DMD: variants seen among roughly 807,000 people sequenced by gnomAD.
The protein encoded by DMD is dystrophin, also known as mutant dystrophin.
In DMD, 63 loss-of-function variants were observed where a neutral mutation model predicts 330.1. That is an observed-to-expected ratio of 0.19 (90% confidence interval 0.16 to 0.24). The LOEUF (loss-of-function observed/expected upper bound fraction) is 0.24. DMD is among the 10% of genes least tolerant of loss of function. The probability of loss-of-function intolerance (pLI) is 1.00; values close to 1 mark genes in which losing one functional copy is unlikely to be tolerated. For missense variants in DMD, 3,344 were observed against 2,684.1 expected (o/e 1.25, Z -5.43); for synonymous variants, 1,223 against 959.8 (o/e 1.27, Z -5.07).
chrX:32,718,300 G>A (rs1421019712), intron 7 of DMD, among the ~76,000 whole-genome samples: 1 of 110,902 alleles, frequency 9.0e-6, no homozygotes, highest in Non-Finnish European at 1.9e-5. Context: ...TCCAATGATA[G>A]TGAGTTCTCA....
At chrX:32,933,570 G>A (rs2089764140) in intron 2 of DMD, among the ~76,000 whole-genome samples, 1 of 111,747 alleles carries the variant, frequency 8.9e-6, no homozygotes, top group African/African-American at 3.3e-5. Flanking sequence ...ATAACTGAAT[G>A]GTGCAGGCTT....
In DMD at chrX:32,754,717, G is replaced by A. The variant is rs140753493; in HGVS notation, c.649+54776C>T. On this transcript the variant is annotated intron_variant, in intron 7 of 78. Coordinates refer to ENST00000357033, the MANE Select transcript of DMD (RefSeq NM_004006.3). ...ATACAGAAATTTTCACGGCAAATCT[G>A]TAAAATATGAGGTCAATAAATATCT... is the stretch of plus-strand genomic sequence containing the variant. Among the ~76,000 whole-genome samples, 85 of 111,486 alleles carry A rather than the reference G, an allele frequency of 7.6e-4. 1 individual carries two copies. Among genetic ancestry groups the A allele is most frequent in the East Asian group, 7.1e-3 (25 of 3,529 alleles).
At chrX:31,729,804 T>C (rs1408607489) in intron 51 of DMD, 56 bp from the exon 52 acceptor site, 3 of 960,196 alleles carry the variant, frequency 3.1e-6, no homozygotes, top group Admixed American at 4.4e-5. Flanking sequence ...GTATTCCTTT[T>C]ACATAATACA....
intron 29 of DMD, among the ~76,000 whole-genome samples, chrX:32,435,895 C>T (rs745869763): frequency 7.4e-4 from 82 of 111,491 alleles, no homozygotes; most frequent in African/African-American, 2.5e-3. Context: ...TTCCTGGAGC[C>T]CCACCTCATT....
chrX:32,019,963 G>A (rs1156935336), intron 44 of DMD, among the ~76,000 whole-genome samples: 2 of 112,448 alleles, frequency 1.8e-5, no homozygotes, highest in African/African-American at 6.5e-5. Context: ...GAAACATAGC[G>A]GCTTTTTTGC....
chrX:31,209,788 T>C, intron 64 of DMD, 89 bp from the exon 65 acceptor site: 1 of 880,365 alleles, frequency 1.1e-6, no homozygotes, highest in African/African-American at 2.0e-5. Flanking sequence ...TAGCTAGGAC[T>C]CTCTCATACC....
At chrX:31,336,740 G>A (rs1031124846) in intron 61 of DMD, among the ~76,000 whole-genome samples, 9 of 111,015 alleles carry the variant, frequency 8.1e-5, no homozygotes, top group Non-Finnish European at 1.3e-4. Flanking sequence ...TTAAAAAGTC[G>A]GATAACAAAG....
chrX:32,101,003 T>C (rs1184592759), intron 44 of DMD, among the ~76,000 whole-genome samples: 3 of 111,983 alleles, frequency 2.7e-5, no homozygotes, highest in African/African-American at 9.7e-5. Context: ...CGAGTTGATG[T>C]CTGGTTGCCA....
At chrX:32,403,969 A>C (rs1454001367) in intron 30 of DMD, among the ~76,000 whole-genome samples, 1 of 112,053 alleles carries the variant, frequency 8.9e-6, no homozygotes, top group Non-Finnish European at 1.9e-5. Flanking sequence ...GCAATCAAAT[A>C]TGCCTATTTA....
chrX:33,045,297 TAC>T (rs1166624454), intron 1 of DMD, among the ~76,000 whole-genome samples: 1 of 85,371 alleles, frequency 1.2e-5, no homozygotes, highest in Admixed American at 1.2e-4. Context: ...TCTTCAGAAC[TAC>T]ACACACACAG....
At chrX:31,137,921 A>G (rs1239601209) in intron 76 of DMD, among the ~76,000 whole-genome samples, 1 of 111,509 alleles carries the variant, frequency 9.0e-6, no homozygotes, top group African/African-American at 3.3e-5. Context: ...AGACAGAAGG[A>G]TTGGCAAATG....
intron 53 of DMD, among the ~76,000 whole-genome samples, chrX:31,672,178 T>A (rs769971892): frequency 8.0e-5 from 9 of 112,413 alleles, no homozygotes; most frequent in African/African-American, 2.6e-4. Context: ...AAGAGTGTGT[T>A]GTATAATTTT....
intron 1 of DMD, among the ~76,000 whole-genome samples, chrX:33,169,962 A>AGG (rs2049252686): frequency 9.0e-6 from 1 of 111,098 alleles, no homozygotes; most frequent in African/African-American, 3.3e-5. Flanking sequence ...CTACTCAGGT[A>AGG]ATTTGCCAGA....
chrX:32,929,830 G>A (rs1354074096), intron 2 of DMD, among the ~76,000 whole-genome samples: 1 of 111,239 alleles, frequency 9.0e-6, no homozygotes, highest in African/African-American at 3.3e-5. Context: ...TTCTGTTCCT[G>A]TTTTAGTTTG....
intron 28 of DMD, among the ~76,000 whole-genome samples, chrX:32,439,650 G>T (rs1327166932): frequency 1.8e-5 from 2 of 111,172 alleles, no homozygotes; most frequent in East Asian, 5.7e-4. Context: ...TAGAAGTCGT[G>T]CAGTTTTTCT....
intron 60 of DMD, among the ~76,000 whole-genome samples, chrX:31,379,931 T>G (rs1426816363): frequency 1.8e-5 from 2 of 111,323 alleles, no homozygotes; most frequent in African/African-American, 3.3e-5. Flanking sequence ...GGCCCAAGGC[T>G]CTCTGACTCC....
chrX:32,219,427 T>C (rs960271208), intron 43 of DMD, among the ~76,000 whole-genome samples: 3 of 112,380 alleles, frequency 2.7e-5, no homozygotes, highest in African/African-American at 9.7e-5. Context: ...TGTTCCATAC[T>C]GGTGAGACTA....
chrX:31,422,416 T>C, intron 60 of DMD, among the ~76,000 whole-genome samples: 1 of 111,665 alleles, frequency 9.0e-6, no homozygotes, highest in South Asian at 3.8e-4. Flanking sequence ...GTTTAACTCG[T>C]TTAACATATT....
At chrX:31,220,896 ATTTTTT>A (rs61226425) in intron 64 of DMD, among the ~76,000 whole-genome samples, 4 of 34,825 alleles carry the variant, frequency 1.1e-4, no homozygotes, top group East Asian at 2.0e-3. Context: ...TTTTTTTGCG[ATTTTTT>A]TTTTTTTTTT....
Sources: allele counts gnomAD v4.1 joint callset (sites outside exome capture counted in the v4.1 genomes callset), GRCh38; gene constraint gnomAD v4.1.1; transcripts MANE v1.5; gene names NCBI Gene and HGNC (gene_info 2026-07-23, HGNC 2026-07-21).